The following RBM18 variants were observed in gnomAD, a reference collection of about 807,000 sequenced individuals.
The protein encoded by RBM18 is RNA binding motif protein 18.
In RBM18, 18 loss-of-function variants were observed where a neutral mutation model predicts 26.4. The ratio of observed to expected loss-of-function variants is 0.68; its 90% CI spans 0.47 to 1.01. The LOEUF (loss-of-function observed/expected upper bound fraction) is 1.01, where lower values mean the gene tolerates loss of function less well. Ranked by LOEUF, RBM18 falls within the 50% of genes least tolerant of loss-of-function variation. The probability of loss-of-function intolerance (pLI) is 0.00; values close to 1 mark genes in which losing one functional copy is unlikely to be tolerated. For synonymous variants in RBM18, 74 were observed against 81.1 expected, an observed-to-expected ratio of 0.91 and a Z score of 0.47; for missense variants, 180 against 219.2, an observed-to-expected ratio of 0.82 and a Z score of 1.13.
In RBM18 at chr9:122,241,848, C is replaced by T; in HGVS notation, c.*36G>A. The T allele has an allele frequency of 6.2e-7, 1 of 1,603,832 alleles. No homozygotes were observed. Among genetic ancestry groups the T allele is most frequent in the Non-Finnish European group, 8.5e-7 (1 of 1,173,698 alleles). On this transcript the variant is annotated 3_prime_UTR_variant, in exon 6 of 6. Coordinates refer to ENST00000417201, the MANE Select transcript of RBM18 (RefSeq NM_033117.4). ...AGGCAGACGATTTTAGGTGTGGAGA[C>T]CAATTTGCTTTTGCTGCTACAGTAA... is the stretch of plus-strand genomic sequence containing the variant.
At chr9:122,243,117 C>T (rs1235446999) in intron 5 of RBM18, among the ~76,000 whole-genome samples, 4 of 151,948 alleles carry the variant, frequency 2.6e-5, no homozygotes, top group African/African-American at 7.3e-5. Flanking sequence ...CGTGAGCTAC[C>T]GCGCCCAGCC....
intron 4 of RBM18, 68 bp downstream of exon 4, chr9:122,247,450 T>C: frequency 1.5e-6 from 2 of 1,349,020 alleles, no homozygotes; most frequent in Admixed American, 1.7e-5. Flanking sequence ...AACGGGTAAG[T>C]GGACAACCAT....
At chr9:122,253,493 T>G (rs1243412538) in intron 2 of RBM18, among the ~76,000 whole-genome samples, 1 of 152,084 alleles carries the variant, frequency 6.6e-6, no homozygotes, top group Non-Finnish European at 1.5e-5. Context: ...CTAGAGAGAA[T>G]GTAGGAAGTG....
At chr9:122,250,397 C>T (rs1471902848) in intron 3 of RBM18, among the ~76,000 whole-genome samples, 3 of 152,186 alleles carry the variant, frequency 2.0e-5, no homozygotes, top group African/African-American at 7.2e-5. Context: ...GATATTTATA[C>T]TAGTGAATCA....
chr9:122,247,567 A>G lies in RBM18; in HGVS notation c.278T>C (p.Leu93Ser). The change falls in exon 4 of 6, where the codon TTG (leucine) becomes TCG (serine). Residue 93 changes from leucine (L) to serine (S), a missense_variant. Coordinates refer to ENST00000417201, the MANE Select transcript of RBM18 (RefSeq NM_033117.4). ...CACCACCAGCTTCTTGGACAGGGCC[A>G]ACTTGCCATTGAGACACTGGATGGC... ...EQAIQCLNGK[L>S]ALSKKLVVRW... 6.2e-7 allele frequency: 1 copy of G among 1,614,030 alleles called. No homozygotes were observed. The highest frequency in any genetic ancestry group is 8.5e-7 in the Non-Finnish European group (1 of 1,180,024).
rs1564454923 is a variant in RBM18 at position 122,245,306 on chromosome 9, T to G, written c.363A>C (p.Pro121=). The G allele has an allele frequency of 1.2e-6, 2 of 1,610,808 alleles. No homozygotes were observed. The highest frequency in any genetic ancestry group is 1.1e-5 in the South Asian group (1 of 91,016). The change falls in exon 5 of 6, where the codon CCA becomes CCC. Residue 121 remains proline (P), a synonymous_variant. Coordinates refer to ENST00000417201, the MANE Select transcript of RBM18 (RefSeq NM_033117.4). ...TGCTTGAGGATGGCTCGAGACTGAT[T>G]GGAAGAATCTTATCATTCTTGTTAT... The part of the protein sequence containing the change: ...YDHNKNDKIL[P]ISLEPSSSTE...
chr9:122,261,534 AGGAGG>A lies in RBM18; in HGVS notation c.-16-31_-16-27del, dbSNP rs1235432550. Reference sequence around the variant, plus strand: ...CTAAAGGAAATGTGAACATTCAGGCAGGAGGGGAGTAACAATGTGTGAACACAAGA... The same window carrying A: ...CTAAAGGAAATGTGAACATTCAGGCAGGAGTAACAATGTGTGAACACAAGA... On this transcript the variant is annotated intron_variant, in intron 1 of 5. Transcript: ENST00000417201. The A allele has an allele frequency of 2.2e-6, 3 of 1,376,968 alleles. No individual in the cohort carries two copies. The Admixed American group carries it at 5.0e-5, about 23-fold the overall frequency. 85.3% of individuals were successfully genotyped at this position (1,376,968 alleles called of 1,614,324 possible). A position where few individuals can be genotyped will look rare whatever the true frequency, so the allele number is the denominator to read the frequency against.
chr9:122,242,388 T>G (rs1831435431), intron 5 of RBM18, among the ~76,000 whole-genome samples: 1 of 152,184 alleles, frequency 6.6e-6, no homozygotes, highest in Non-Finnish European at 1.5e-5. Context: ...AACAACATTA[T>G]AAGATAGGTT....
intron 1 of RBM18, among the ~76,000 whole-genome samples, chr9:122,264,101 A>C (rs1197478270): frequency 2.0e-5 from 3 of 152,170 alleles, no homozygotes; most frequent in Non-Finnish European, 4.4e-5. Flanking sequence ...TCACGGTTCT[A>C]TTTCTAGCAC....
intron 2 of RBM18, among the ~76,000 whole-genome samples, chr9:122,258,933 G>A (rs1295395542): frequency 2.1e-5 from 3 of 145,458 alleles, no homozygotes; most frequent in African/African-American, 7.6e-5. Context: ...AAAAGAAGAA[G>A]AAGAAAAAAG....
At chr9:122,242,460 C>G (rs180906574) in intron 5 of RBM18, among the ~76,000 whole-genome samples, 1 of 152,128 alleles carries the variant, frequency 6.6e-6, no homozygotes, top group Admixed American at 6.5e-5. Flanking sequence ...CCCAATGTTA[C>G]ACAGCAAGTA....
At chr9:122,260,357 AAAAC>A (rs1298762659) in intron 2 of RBM18, among the ~76,000 whole-genome samples, 7 of 152,076 alleles carry the variant, frequency 4.6e-5, no homozygotes, top group East Asian at 3.9e-4. Context: ...AACAAAAACA[AAAAC>A]AAACAAACAA....
rs568534647 is a variant in RBM18, at chr9:122,255,304, G to T, written c.114-3331C>A. 5.9e-5 allele frequency among the ~76,000 whole-genome samples: 9 copies of T among 152,286 alleles called. No individual in the cohort carries two copies. In the South Asian group the frequency reaches 1.5e-3, roughly 25 times the overall value. The stretch of plus-strand genomic sequence containing the variant: ...CATGTAAACCAAGACATAAAAAGAA[G>T]TATGGACAATGAGGAGACATAAGGT... On this transcript the variant is annotated intron_variant, in intron 2 of 5. Transcript: ENST00000417201.
At chr9:122,250,389 T>C (rs1831580963) in intron 3 of RBM18, among the ~76,000 whole-genome samples, 1 of 152,250 alleles carries the variant, frequency 6.6e-6, no homozygotes, top group African/African-American at 2.4e-5. Context: ...ACTCTTGTGA[T>C]ATTTATACTA....
At position 122,251,829 on chromosome 9, in the gene RBM18, G is replaced by T. The variant is rs779096510; in HGVS notation, c.240+18C>A. The T allele has an allele frequency of 1.1e-5, 17 of 1,609,222 alleles. No homozygotes were observed. The Admixed American group carries it at 1.2e-4, about 11-fold the overall frequency. ...AGAGCTTGATAAATATTATAAAATG[G>T]GGAGAAAGCTTAATTACCTGCTTAG... On this transcript the variant is annotated intron_variant, in intron 3 of 5. Coordinates refer to ENST00000417201, the MANE Select transcript of RBM18 (RefSeq NM_033117.4).
At chr9:122,250,456 T>C (rs978658366) in intron 3 of RBM18, among the ~76,000 whole-genome samples, 1 of 152,214 alleles carries the variant, frequency 6.6e-6, no homozygotes, top group Non-Finnish European at 1.5e-5. Context: ...TGGGGACTAG[T>C]CAAATATGAT....
intron 2 of RBM18, among the ~76,000 whole-genome samples, chr9:122,256,192 T>C (rs1831695984): frequency 6.6e-6 from 1 of 152,182 alleles, no homozygotes; most frequent in African/African-American, 2.4e-5. Context: ...CTGAGAGTAT[T>C]CTATCTATGC....
At chr9:122,254,271 G>A (rs568417733) in intron 2 of RBM18, 2 of 837,330 alleles carry the variant, frequency 2.4e-6, no homozygotes, top group South Asian at 1.1e-4. Context: ...CAAGAAGTGT[G>A]ACCTTAAGAT....
rs1831355311 is a variant in RBM18, at chr9:122,237,950, C to A, written c.*3934G>T. ...TATATATTTTGTTTACTTTTTTTCT[C>A]AACCACTCGAAAATGAAAAAAAAAT... On this transcript the variant is annotated 3_prime_UTR_variant, in exon 6 of 6. Transcript: ENST00000417201. 6.6e-6 allele frequency: 1 copy of A among 151,584 alleles called. No individual in the cohort carries two copies. The highest frequency in any genetic ancestry group is 2.1e-4 in the South Asian group (1 of 4,802). The allele number at this position is 151,584 out of a possible 1,614,324, so 9.4% of individuals were successfully genotyped here. A position where few individuals can be genotyped will look rare whatever the true frequency, so the allele number is the denominator to read the frequency against.
Sources: gnomAD v4.1 joint callset for allele counts (sites outside exome capture counted in the v4.1 genomes callset) on GRCh38, gnomAD v4.1.1 for gene constraint, MANE v1.5 for transcripts, NCBI Gene and HGNC (gene_info 2026-07-23, HGNC 2026-07-21) for gene names.